The following TAF6L variants were observed in gnomAD, a reference collection of about 807,000 sequenced individuals.
The protein encoded by TAF6L is TAF6-like RNA polymerase II p300/CBP-associated factor-associated factor 65 kDa subunit 6L.
Under a neutral mutation model 57.3 loss-of-function variants are expected in TAF6L, and 34 were observed. The observed-to-expected ratio is 0.59, with a 90% CI of 0.45 to 0.79. The LOEUF is 0.79. Ranked by LOEUF, TAF6L falls within the 30% of genes least tolerant of loss-of-function variation. The pLI is 0.00. For missense variants in TAF6L, 782 were observed against 853.2 expected, an observed-to-expected ratio of 0.92 and a Z score of 1.04; for synonymous variants, 417 against 376.3, an observed-to-expected ratio of 1.11 and a Z score of -1.25.
intron 8 of TAF6L, 58 bp from the exon 9 acceptor site, chr11:62,782,635 G>A: frequency 6.3e-7 from 1 of 1,595,702 alleles, no homozygotes; most frequent in South Asian, 1.1e-5. Context: ...GTTGTCTTGT[G>A]CCCTGTTGGG....
At chr11:62,774,741 C>T in intron 1 of TAF6L, 1 of 444,252 alleles carries the variant, frequency 2.3e-6, no homozygotes, top group South Asian at 1.6e-5. Context: ...GCAGAAAGCC[C>T]AGCTACTATC....
At chr11:62,784,687 T>G (rs900289875) in intron 9 of TAF6L, among the ~76,000 whole-genome samples, 1 of 152,218 alleles carries the variant, frequency 6.6e-6, no homozygotes, top group African/African-American at 2.4e-5. Context: ...TCCGAAGGCT[T>G]TTCAGCTTTT....
At chr11:62,783,679 C>T (rs1336284659) in intron 9 of TAF6L, among the ~76,000 whole-genome samples, 1 of 151,590 alleles carries the variant, frequency 6.6e-6, no homozygotes, top group Non-Finnish European at 1.5e-5. Flanking sequence ...GGATTACAGG[C>T]ACGTGCCACC....
chr11:62,773,053 G>C (rs2084161016), intron 1 of TAF6L, among the ~76,000 whole-genome samples: 1 of 151,556 alleles, frequency 6.6e-6, no homozygotes, highest in Non-Finnish European at 1.5e-5. Flanking sequence ...GTGTTAGCCA[G>C]GATGGTCTTC....
intron 1 of TAF6L, 87 bp from the exon 2 acceptor site, chr11:62,775,684 C>G: frequency 7.0e-7 from 1 of 1,428,398 alleles, no homozygotes; most frequent in East Asian, 2.3e-5. Context: ...GCACGAGCAG[C>G]AAGGCTGGTG....
At chr11:62,783,350 C>CG (rs910511794) in intron 9 of TAF6L, among the ~76,000 whole-genome samples, 2 of 151,878 alleles carry the variant, frequency 1.3e-5, no homozygotes, top group African/African-American at 4.8e-5. Flanking sequence ...GGTGTGGTGG[C>CG]GGGCGCCTGT....
rs1166244872 is a variant in TAF6L at position 62,786,915 on chromosome 11, G to A, written c.1488G>A (p.Pro496=). 6.7e-7 allele frequency: 1 copy of A among 1,499,102 alleles called. No individual in the cohort carries two copies. Among genetic ancestry groups the A allele is most frequent in the Admixed American group, 2.2e-5 (1 of 44,970 alleles). 92.9% of individuals were successfully genotyped at this position (1,499,102 alleles called of 1,614,324 possible). ...TGACGGCAAGCGCCATAGTCAGCCCGCACGGCGACGAGAGCCCCCGGGGCA... is the reference window on the plus strand; with the variant it reads ...TGACGGCAAGCGCCATAGTCAGCCCACACGGCGACGAGAGCCCCCGGGGCA... ...PQLTASAIVS[P]HGDESPRGSG... The change falls in exon 11 of 11, where the codon CCG becomes CCA. Residue 496 remains proline, a synonymous_variant. Transcript: ENST00000294168.
Position 62,778,906 on chromosome 11 carries a change from C to G in TAF6L, c.474C>G (p.Leu158=). Residue 158 remains leucine, a synonymous_variant, in exon 6 of 11, where the codon CTC becomes CTG. Transcript: ENST00000294168. Reference sequence around the variant, plus strand: ...TGTCTTCACTGACAGATGACCTTCTCAAGTACTATCACCAGGTGACTCGTG... The same window carrying G: ...TGTCTTCACTGACAGATGACCTTCTGAAGTACTATCACCAGGTGACTCGTG... ...SAVSSLTDDL[L]KYYHQVTRAV... is the part of the protein sequence containing the mutation. 2 of 1,613,940 alleles carry G rather than the reference C, an allele frequency of 1.2e-6. No individual in the cohort carries two copies. The highest frequency in any genetic ancestry group is 1.7e-6 in the Non-Finnish European group (2 of 1,179,932).
Position 62,775,822 on chromosome 11 carries a change from T to G in TAF6L, c.39T>G (p.Pro13=). 6.2e-7 allele frequency: 1 copy of G among 1,612,568 alleles called. No homozygotes were observed. Among genetic ancestry groups the G allele is most frequent in the East Asian group, 2.2e-5 (1 of 44,870 alleles). ...EREERRFVEI[P]RESVRLMAES... is the part of the protein sequence containing the mutation. ...AAGAGCGGCGGTTTGTGGAGATCCC[T>G]CGGGAGTCTGTCCGGCTCATGGCGG... Residue 13 remains proline, a synonymous_variant, in exon 2 of 11, where the codon CCT becomes CCG. Coordinates refer to ENST00000294168, the MANE Select transcript of TAF6L (RefSeq NM_006473.4).
intron 9 of TAF6L, among the ~76,000 whole-genome samples, chr11:62,784,794 C>T (rs2134723587): frequency 6.6e-6 from 1 of 152,134 alleles, no homozygotes; most frequent in East Asian, 1.9e-4. Context: ...AAGAAAAAAC[C>T]CAAAGCTTTT....
intron 9 of TAF6L, among the ~76,000 whole-genome samples, chr11:62,784,944 A>G (rs1007978160): frequency 3.9e-5 from 6 of 152,190 alleles, no homozygotes; most frequent in African/African-American, 1.4e-4. Flanking sequence ...CTGGCCTTAC[A>G]GAATGATGTG....
chr11:62,783,385 G>A (rs1230151219), intron 9 of TAF6L, among the ~76,000 whole-genome samples: 12 of 152,002 alleles, frequency 7.9e-5, no homozygotes, highest in African/African-American at 2.4e-5. Flanking sequence ...GGGAGGCTGA[G>A]GCAGGAGAAT....
rs1197915397 is a variant in TAF6L, at chr11:62,786,879, G to A, written c.1452G>A (p.Lys484=). ...EPAAAPDSVR[K]MPQLTASAIV... ...CGGCAGCCCCGGACTCGGTGCGGAA[G>A]ATGCCGCAGCTGACGGCAAGCGCCA... is the stretch of plus-strand genomic sequence containing the variant. Residue 484 remains lysine, a synonymous_variant, in exon 11 of 11, where the codon AAG becomes AAA. Coordinates refer to ENST00000294168, the MANE Select transcript of TAF6L (RefSeq NM_006473.4). 1.3e-6 allele frequency: 2 copies of A among 1,573,938 alleles called. No homozygotes were observed. The highest frequency in any genetic ancestry group is 2.3e-5 in the East Asian group (1 of 43,230).
At chr11:62,779,713 C>G (rs920792517) in intron 6 of TAF6L, among the ~76,000 whole-genome samples, 1 of 150,022 alleles carries the variant, frequency 6.7e-6, no homozygotes, top group Non-Finnish European at 1.5e-5. Context: ...TCACCTAGGC[C>G]GGAGTGCAGT....
rs897879060 is a variant in TAF6L at position 62,771,416 on chromosome 11, C to T, written c.-88C>T. 9 of 155,922 alleles carry T rather than the reference C, an allele frequency of 5.8e-5. No individual in the cohort carries two copies. The East Asian group carries it at 1.3e-3, about 23-fold the overall frequency. 9.7% of individuals were successfully genotyped at this position (155,922 alleles called of 1,614,324 possible). A position where few individuals can be genotyped will look rare whatever the true frequency, so the allele number is the denominator to read the frequency against. On this transcript the variant is annotated 5_prime_UTR_variant, in exon 1 of 11. Transcript: ENST00000294168. Reference sequence around the variant, plus strand: ...CCGGGAGAGGGAATGAGTGTGAGCTCGTGAGTGGGCGCCGCCGCCACCGCC... The same window carrying T: ...CCGGGAGAGGGAATGAGTGTGAGCTTGTGAGTGGGCGCCGCCGCCACCGCC...
intron 2 of TAF6L, 118 bp from the exon 3 acceptor site, chr11:62,776,266 T>C (rs748854499): frequency 9.9e-7 from 1 of 1,010,372 alleles, no homozygotes; most frequent in Non-Finnish European, 1.5e-6. Flanking sequence ...TCTAGGCTTC[T>C]GATCCCTAAG....
At chr11:62,771,974 C>CT in intron 1 of TAF6L, 1 of 388,550 alleles carries the variant, frequency 2.6e-6, no homozygotes, top group Non-Finnish European at 5.1e-6. Flanking sequence ...GGATCCAGGC[C>CT]TTGTTCCCCA....
Position 62,786,606 on chromosome 11 carries a change from C to G in TAF6L, c.1179C>G (p.Asp393Glu), listed in dbSNP as rs755960473. 6.3e-7 allele frequency: 1 copy of G among 1,586,730 alleles called. No homozygotes were observed. Among genetic ancestry groups the G allele is most frequent in the Non-Finnish European group, 8.6e-7 (1 of 1,166,148 alleles). The change falls in exon 11 of 11, where the codon GAC (aspartate) becomes GAG (glutamate). Residue 393 changes from aspartate (D) to glutamate (E), a missense_variant. Transcript: ENST00000294168. ...GTGGCAGGGGGTGCCGGCGCCTGGA[C>G]GACCTGCCATGGGACAGCCTTCTCT... ...GPGGRGCRRL[D>E]DLPWDSLLFQ...
At chr11:62,778,666 A>C (rs759584616) in intron 5 of TAF6L, 15 of 615,910 alleles carry the variant, frequency 2.4e-5, no homozygotes, top group Non-Finnish European at 4.0e-5. Context: ...GGTGGGTGGA[A>C]GACAGGACAG....
Sources: gnomAD v4.1 joint callset for allele counts (sites outside exome capture counted in the v4.1 genomes callset) on GRCh38, gnomAD v4.1.1 for gene constraint, MANE v1.5 for transcripts, NCBI Gene and HGNC (gene_info 2026-07-23, HGNC 2026-07-21) for gene names.